The following KIAA1328 variants were observed in gnomAD, a reference collection of about 807,000 sequenced individuals.
KIAA1328 encodes KIAA1328.
KIAA1328 carries 52 observed loss-of-function variants against 68.1 expected under a neutral mutation model. The ratio of observed to expected loss-of-function variants is 0.76; its 90% CI spans 0.61 to 0.96. The LOEUF is 0.96. Among genes scored for constraint, KIAA1328 ranks in the 40% least tolerant of loss-of-function variants. KIAA1328 has a pLI of 0.00. For missense variants in KIAA1328, 641 were observed against 677.6 expected, an observed-to-expected ratio of 0.95 and a Z score of 0.60; for synonymous variants, 232 against 239.4, an observed-to-expected ratio of 0.97 and a Z score of 0.28.
At chr18:37,166,036 A>AG (rs2059382955) in intron 8 of KIAA1328, among the ~76,000 whole-genome samples, 23 of 136,850 alleles carry the variant, frequency 1.7e-4, no homozygotes, top group Admixed American at 1.6e-3. Flanking sequence ...TTGGGGTGGT[A>AG]ATTTTTTTTT....
intron 6 of KIAA1328, among the ~76,000 whole-genome samples, chr18:37,017,132 T>C (rs1012368322): frequency 6.6e-6 from 1 of 152,100 alleles, no homozygotes; most frequent in African/African-American, 2.4e-5. Flanking sequence ...ACATGGCTTT[T>C]GCTGTATCTC....
At chr18:36,852,198 A>G (rs1443855366) in intron 4 of KIAA1328, among the ~76,000 whole-genome samples, 1 of 152,088 alleles carries the variant, frequency 6.6e-6, no homozygotes, top group African/African-American at 2.4e-5. Flanking sequence ...ATGACCTAAC[A>G]TGTGGTTTAT....
chr18:36,838,496 T>G (rs1012928035), intron 3 of KIAA1328, among the ~76,000 whole-genome samples: 3 of 152,244 alleles, frequency 2.0e-5, no homozygotes, highest in Non-Finnish European at 4.4e-5. Context: ...TGAAAAGTCT[T>G]TATTTCTCTT....
Position 37,222,811 on chromosome 18 carries a change from C to G in KIAA1328, c.*584C>G. ...TCAGTCTCAGTAGCCATCAGCCTGG[C>G]AGCTGCCCATCCCATAACCAAAGAG... On this transcript the variant is annotated 3_prime_UTR_variant, in exon 10 of 10. Transcript: ENST00000280020. 10 of 991,626 alleles carry G rather than the reference C, an allele frequency of 1.0e-5. No individual in the cohort carries two copies. The highest frequency in any genetic ancestry group is 1.2e-5 in the Non-Finnish European group (10 of 834,194). 61.4% of individuals were successfully genotyped at this position (991,626 alleles called of 1,614,324 possible).
At chr18:37,209,163 A>G (rs927724093) in intron 9 of KIAA1328, among the ~76,000 whole-genome samples, 11 of 152,362 alleles carry the variant, frequency 7.2e-5, no homozygotes, top group East Asian at 3.9e-4. Context: ...ATGTGTAAGC[A>G]TCCTTTTTTT....
At chr18:37,017,003 T>A (rs1367443455) in intron 6 of KIAA1328, among the ~76,000 whole-genome samples, 1 of 152,194 alleles carries the variant, frequency 6.6e-6, no homozygotes, top group Non-Finnish European at 1.5e-5. Flanking sequence ...TCTTTTCTTC[T>A]GCCAGTTAGG....
chr18:36,838,738 G>A (rs1169335953), intron 3 of KIAA1328, among the ~76,000 whole-genome samples: 2 of 151,968 alleles, frequency 1.3e-5, no homozygotes, highest in Non-Finnish European at 2.9e-5. Flanking sequence ...ATACCCTGGA[G>A]TAATTTTTTT....
At chr18:36,866,362 G>C (rs1425087513) in intron 4 of KIAA1328, among the ~76,000 whole-genome samples, 1 of 151,992 alleles carries the variant, frequency 6.6e-6, no homozygotes, top group Non-Finnish European at 1.5e-5. Context: ...CCCACCCCAG[G>C]AAACTCTTCT....
intron 3 of KIAA1328, among the ~76,000 whole-genome samples, chr18:36,837,169 C>G (rs1031057136): frequency 1.3e-5 from 2 of 152,042 alleles, no homozygotes; most frequent in Non-Finnish European, 2.9e-5. Context: ...TGACAAAATT[C>G]CAAACTGTTT....
intron 7 of KIAA1328, chr18:37,084,060 C>T (rs757263735): frequency 1.2e-5 from 11 of 954,880 alleles, no homozygotes; most frequent in Non-Finnish European, 1.5e-5. Context: ...CATGGTTTTC[C>T]AAAATTTATC....
chr18:37,093,637 G>A (rs190758892), intron 7 of KIAA1328, among the ~76,000 whole-genome samples: 6 of 152,326 alleles, frequency 3.9e-5, no homozygotes, highest in Admixed American at 3.3e-4. Context: ...GAAAGCCTAT[G>A]TGATGTATAG....
intron 5 of KIAA1328, among the ~76,000 whole-genome samples, chr18:36,919,192 C>T (rs929325480): frequency 3.9e-5 from 6 of 152,148 alleles, no homozygotes; most frequent in African/African-American, 1.4e-4. Flanking sequence ...CTTGTTAATA[C>T]TTCTCATGAA....
chr18:36,939,940 G>A (rs768073230), intron 5 of KIAA1328, among the ~76,000 whole-genome samples: 13 of 151,802 alleles, frequency 8.6e-5, no homozygotes, highest in Non-Finnish European at 1.6e-4. Flanking sequence ...TGTCTTTTTA[G>A]GAATTAACAT....
At chr18:37,048,965 T>C (rs1435207562) in intron 6 of KIAA1328, among the ~76,000 whole-genome samples, 1 of 152,196 alleles carries the variant, frequency 6.6e-6, no homozygotes, top group African/African-American at 2.4e-5. Context: ...TATTGAAATA[T>C]GAGGTTGAAA....
intron 7 of KIAA1328, among the ~76,000 whole-genome samples, chr18:37,123,074 T>TTTAA (rs1373530711): frequency 6.6e-6 from 1 of 152,144 alleles, no homozygotes; most frequent in Admixed American, 6.6e-5. Flanking sequence ...TGAGCAAATA[T>TTTAA]TTAACCTTGC....
chr18:36,989,240 G>A (rs1276049689), intron 6 of KIAA1328, among the ~76,000 whole-genome samples: 5 of 152,156 alleles, frequency 3.3e-5, no homozygotes, highest in Non-Finnish European at 7.4e-5. Flanking sequence ...GAATAAAAAT[G>A]AGGTTGGTGA....
At chr18:37,143,765 G>A (rs913877181) in intron 7 of KIAA1328, among the ~76,000 whole-genome samples, 9 of 151,106 alleles carry the variant, frequency 6.0e-5, no homozygotes, top group Non-Finnish European at 1.0e-4. Context: ...ATGCTTTTTC[G>A]GCATTTATTG....
At chr18:37,085,344 G>T (rs1031880819) in intron 7 of KIAA1328, among the ~76,000 whole-genome samples, 1 of 152,136 alleles carries the variant, frequency 6.6e-6, no homozygotes, top group Non-Finnish European at 1.5e-5. Flanking sequence ...CTACTGTGTT[G>T]CCAGAGTTTG....
intron 5 of KIAA1328, among the ~76,000 whole-genome samples, chr18:36,917,825 T>G (rs1302732490): frequency 6.6e-6 from 1 of 152,102 alleles, no homozygotes; most frequent in Non-Finnish European, 1.5e-5. Flanking sequence ...GATTTAGCCT[T>G]TCTGCTCAGG....
Sources: allele counts gnomAD v4.1 joint callset (sites outside exome capture counted in the v4.1 genomes callset), GRCh38; gene constraint gnomAD v4.1.1; transcripts MANE v1.5; gene names NCBI Gene and HGNC (gene_info 2026-07-23, HGNC 2026-07-21).